GORASP2: variants seen among roughly 807,000 people sequenced by gnomAD.
The protein encoded by GORASP2 is Golgi reassembly-stacking protein 2.
GORASP2 carries 22 observed loss-of-function variants against 45.7 expected under a neutral mutation model. That is an observed-to-expected ratio of 0.48 (90% CI 0.34 to 0.69). The LOEUF (loss-of-function observed/expected upper bound fraction) is 0.69, where lower values mean the gene tolerates loss of function less well. Among genes scored for constraint, GORASP2 ranks in the 30% least tolerant of loss-of-function variants. The pLI is 0.01. For synonymous variants in GORASP2, 221 were observed against 215.6 expected, an observed-to-expected ratio of 1.02 and a Z score of -0.22; for missense variants, 491 against 562.7, an observed-to-expected ratio of 0.87 and a Z score of 1.29.
chr2:170,953,355 TAATAAATA>T (rs138818793), intron 5 of GORASP2, among the ~76,000 whole-genome samples: 29 of 149,952 alleles, frequency 1.9e-4, no homozygotes, highest in Admixed American at 4.0e-4. Context: ...TAAATTGTCT[TAATAAATA>T]AATAAATAAA....
At chr2:170,935,063 G>A (rs892275797) in intron 1 of GORASP2, among the ~76,000 whole-genome samples, 11 of 152,044 alleles carry the variant, frequency 7.2e-5, no homozygotes, top group Non-Finnish European at 1.6e-4. Flanking sequence ...CTAATAAAAG[G>A]CCCAGAAGTT....
Position 170,965,901 on chromosome 2 carries a change from C to G in GORASP2, c.1130C>G (p.Ala377Gly). ...SFPLVPESSS[A>G]ASSGELLSSL... Reference sequence around the variant, plus strand: ...CCCTTGGTTCCAGAGAGCTCTTCTGCAGCAAGCTCAGGAGAGCTGCTGTCT... The same window carrying G: ...CCCTTGGTTCCAGAGAGCTCTTCTGGAGCAAGCTCAGGAGAGCTGCTGTCT... The change falls in exon 10 of 10, where the codon GCA becomes GGA. Residue 377 changes from alanine to glycine, a missense_variant. Transcript: ENST00000234160. The G allele has an allele frequency of 6.2e-7, 1 of 1,613,650 alleles. No individual in the cohort carries two copies. The highest frequency in any genetic ancestry group is 8.5e-7 in the Non-Finnish European group (1 of 1,179,636).
intron 5 of GORASP2, among the ~76,000 whole-genome samples, chr2:170,952,425 T>C (rs1320146317): frequency 6.6e-6 from 1 of 152,242 alleles, no homozygotes; most frequent in African/African-American, 2.4e-5. Flanking sequence ...TTTGGTCTTT[T>C]TGTGCTTCTG....
chr2:170,939,775 A>C (rs990871920), intron 1 of GORASP2, among the ~76,000 whole-genome samples: 1 of 152,160 alleles, frequency 6.6e-6, no homozygotes, highest in African/African-American at 2.4e-5. Flanking sequence ...CACCCTCCTC[A>C]CTAAAAAAAA....
At position 170,965,999 on chromosome 2, in the gene GORASP2, C is replaced by T. The variant is rs752965165; in HGVS notation, c.1228C>T (p.Leu410Phe). 3 of 1,613,928 alleles carry T rather than the reference C, an allele frequency of 1.9e-6. No homozygotes were observed. The highest frequency in any genetic ancestry group is 8.5e-7 in the Non-Finnish European group (1 of 1,179,958). Residue 410 changes from leucine (L) to phenylalanine (F), a missense_variant, in exon 10 of 10, where the codon CTC becomes TTC. Coordinates refer to ENST00000234160, the MANE Select transcript of GORASP2 (RefSeq NM_015530.5). ...TGCAAAGGCAGACGCTGCCTCCTCACTCACTGTGGATGTGACGCCCCCCAC... is the reference window on the plus strand; with the variant it reads ...TGCAAAGGCAGACGCTGCCTCCTCATTCACTGTGGATGTGACGCCCCCCAC... ...TTAKADAASS[L>F]TVDVTPPTAK...
At position 170,961,628 on chromosome 2, in the gene GORASP2, T is replaced by G. The variant is rs778643480; in HGVS notation, c.824-35T>G. 2.7e-6 allele frequency: 3 copies of G among 1,106,954 alleles called. No individual in the cohort carries two copies. In the South Asian group the frequency reaches 3.7e-5, roughly 14 times the overall value. The allele number at this position is 1,106,954 out of a possible 1,614,324, so 68.6% of individuals were successfully genotyped here. On this transcript the variant is annotated intron_variant, in intron 7 of 9. Coordinates refer to ENST00000234160, the MANE Select transcript of GORASP2 (RefSeq NM_015530.5). ...TCTGTTCATTTCTTGTCGACTAAAT[T>G]TGTTAGAAATGAAAAGATTGTGCTT... is the stretch of plus-strand genomic sequence containing the variant.
At chr2:170,930,735 G>A (rs1703802967) in intron 1 of GORASP2, among the ~76,000 whole-genome samples, 1 of 151,852 alleles carries the variant, frequency 6.6e-6, no homozygotes, top group African/African-American at 2.4e-5. Context: ...AAACACCCAA[G>A]AGCCACACTG....
chr2:170,942,450 A>G (rs71415232), intron 1 of GORASP2, among the ~76,000 whole-genome samples: 31,656 of 152,072 alleles, frequency 0.21, 3,921 homozygotes, highest in Non-Finnish European at 0.29. Flanking sequence ...TCTATTGCGG[A>G]CATTTCATAT....
At chr2:170,962,720 T>C in intron 8 of GORASP2, 119 bp from the exon 9 acceptor site, 2 of 681,378 alleles carry the variant, frequency 2.9e-6, no homozygotes, top group East Asian at 5.5e-5. Flanking sequence ...CTGCCACACA[T>C]TAGGTGGACT....
At chr2:170,949,899 A>T in intron 3 of GORASP2, 157 bp downstream of exon 3, 1 of 612,910 alleles carries the variant, frequency 1.6e-6, no homozygotes, top group Non-Finnish European at 2.9e-6. Context: ...GTATGGATCA[A>T]TTTTTTTTTA....
Position 170,963,469 on chromosome 2 carries a change from CT to C in GORASP2, c.1018+524del, listed in dbSNP as rs1431800261. 9.6e-3 allele frequency among the ~76,000 whole-genome samples: 1,264 copies of C among 131,408 alleles called. 23 individuals carry two copies. Among genetic ancestry groups the C allele is most frequent in the African/African-American group, 0.035 (1,165 of 33,380 alleles). The allele number at this position is 131,408 out of a possible 152,430, so 86.2% of individuals were successfully genotyped here. On this transcript the variant is annotated intron_variant, in intron 9 of 9. Coordinates refer to ENST00000234160, the MANE Select transcript of GORASP2 (RefSeq NM_015530.5). ...GCTGCTGCTCCTCCTCCTCCTCCTC[CT>C]CCCCCTCCTCCTCCTCCCGCCCCCC...
At chr2:170,929,942 G>A (rs1241739061) in intron 1 of GORASP2, 1 of 361,012 alleles carries the variant, frequency 2.8e-6, no homozygotes, top group Non-Finnish European at 5.8e-6. Context: ...TGGCCTGGAA[G>A]TAGGTTCGAC....
intron 1 of GORASP2, among the ~76,000 whole-genome samples, chr2:170,931,360 G>A (rs1443158309): frequency 2.0e-5 from 3 of 152,208 alleles, no homozygotes; most frequent in Non-Finnish European, 4.4e-5. Context: ...TTTGTTTTTA[G>A]AGGGAAAAGT....
chr2:170,962,986 A>G (rs752573361), intron 9 of GORASP2, 40 bp downstream of exon 9: 2 of 1,370,636 alleles, frequency 1.5e-6, no homozygotes. Context: ...TCTCTCTAAT[A>G]AAAGTTTTAT....
rs185817448 is a variant in GORASP2 at position 170,941,643 on chromosome 2, G to C, written c.64-6707G>C. Among the ~76,000 whole-genome samples, 4 of 152,238 alleles carry C rather than the reference G, an allele frequency of 2.6e-5. No individual in the cohort carries two copies. The East Asian group carries it at 7.7e-4, about 29-fold the overall frequency. On this transcript the variant is annotated intron_variant, in intron 1 of 9. Transcript: ENST00000234160. ...ATGTGCTAGGTACTCATTTGTATCTGGCTTCTTTTGCTCGGATATTGCTTG... is the reference window on the plus strand; with the variant it reads ...ATGTGCTAGGTACTCATTTGTATCTCGCTTCTTTTGCTCGGATATTGCTTG...
intron 7 of GORASP2, among the ~76,000 whole-genome samples, chr2:170,960,045 C>T (rs1704518737): frequency 6.6e-6 from 1 of 151,632 alleles, no homozygotes; most frequent in South Asian, 2.1e-4. Flanking sequence ...GGTCTTGAAC[C>T]CCTGACCTCA....
chr2:170,936,779 C>A, intron 1 of GORASP2: 2 of 522,448 alleles, frequency 3.8e-6, no homozygotes, highest in Admixed American at 2.6e-5. Context: ...ATAATGAGAT[C>A]CGGTCTCAAT....
chr2:170,957,974 A>C (rs147411864), intron 7 of GORASP2, among the ~76,000 whole-genome samples: 26 of 152,100 alleles, frequency 1.7e-4, no homozygotes, highest in African/African-American at 6.3e-4. Flanking sequence ...AATACCTTTT[A>C]TTTCTGGGCT....
chr2:170,944,634 T>A (rs1427257623), intron 1 of GORASP2, among the ~76,000 whole-genome samples: 1 of 152,172 alleles, frequency 6.6e-6, no homozygotes, highest in Non-Finnish European at 1.5e-5. Flanking sequence ...AGTTTATACT[T>A]TAAACTTTAT....
Sources: gnomAD v4.1 joint callset for allele counts (sites outside exome capture counted in the v4.1 genomes callset) on GRCh38, gnomAD v4.1.1 for gene constraint, MANE v1.5 for transcripts, NCBI Gene and HGNC (gene_info 2026-07-23, HGNC 2026-07-21) for gene names.